Variants in BLMH observed in about 807,000 individuals in gnomAD.
BLMH encodes BLM hydrolase.
In BLMH, 32 loss-of-function variants were observed where a neutral mutation model predicts 61.6. The observed-to-expected ratio is 0.52, with a 90% CI of 0.39 to 0.70. The LOEUF is 0.70. Among genes scored for constraint, BLMH ranks in the 30% least tolerant of loss-of-function variants. BLMH has a pLI of 0.00. For missense variants in BLMH, 460 were observed against 555.5 expected, an observed-to-expected ratio of 0.83 and a Z score of 1.73; for synonymous variants, 183 against 193.8, an observed-to-expected ratio of 0.94 and a Z score of 0.46.
intron 6 of BLMH, among the ~76,000 whole-genome samples, chr17:30,280,858 T>TCC (rs978204214): frequency 1.3e-4 from 20 of 152,192 alleles, no homozygotes; most frequent in African/African-American, 4.6e-4. Flanking sequence ...AATAGAATGG[T>TCC]CATAAGAACA....
At chr17:30,291,278 C>A (rs371032690) in intron 2 of BLMH, 33 bp downstream of exon 2, 9 of 1,594,168 alleles carry the variant, frequency 5.6e-6, no homozygotes, top group Non-Finnish European at 7.7e-6. Flanking sequence ...TCAGGAAGGT[C>A]AAGGAACGTA....
intron 1 of BLMH, 46 bp from the exon 2 acceptor site, chr17:30,291,554 G>A: frequency 3.8e-6 from 6 of 1,598,916 alleles, no homozygotes; most frequent in African/African-American, 1.3e-5. Context: ...GAGGGGGAAA[G>A]GGCTGATCTG....
chr17:30,285,575 C>T lies in BLMH; in HGVS notation c.553-95G>A, dbSNP rs1006473133. 18 of 936,442 alleles carry T rather than the reference C, an allele frequency of 1.9e-5. No homozygotes were observed. The Admixed American group carries it at 4.4e-4, about 23-fold the overall frequency. The allele number at this position is 936,442 out of a possible 1,614,324, so 58.0% of individuals were successfully genotyped here. On this transcript the variant is annotated intron_variant, in intron 5 of 11. Coordinates refer to ENST00000261714, the MANE Select transcript of BLMH (RefSeq NM_000386.4). ...ACGCAAGTTCTATTTTGAGGTATAA[C>T]TCAGGCCAGACCCATGACAGAGTTC...
intron 11 of BLMH, among the ~76,000 whole-genome samples, chr17:30,253,367 A>C (rs1907722766): frequency 6.6e-6 from 1 of 152,228 alleles, no homozygotes. Flanking sequence ...GTCCCTGCCA[A>C]GAGGACCCGC....
intron 6 of BLMH, among the ~76,000 whole-genome samples, chr17:30,278,820 C>T (rs1314437296): frequency 6.6e-6 from 1 of 152,210 alleles, no homozygotes; most frequent in Non-Finnish European, 1.5e-5. Flanking sequence ...CAGGCATGCA[C>T]CACCATGCCT....
chr17:30,291,580 G>C (rs1010705737), intron 1 of BLMH, 72 bp from the exon 2 acceptor site: 4 of 1,566,118 alleles, frequency 2.6e-6, no homozygotes, highest in African/African-American at 2.7e-5. Context: ...CCCGCGTCCC[G>C]AATCTAACTT....
chr17:30,255,272 A>T (rs1907782682), intron 11 of BLMH, among the ~76,000 whole-genome samples: 1 of 152,196 alleles, frequency 6.6e-6, no homozygotes. Context: ...TGCCTAGAGT[A>T]TTCAGTACAG....
intron 11 of BLMH, among the ~76,000 whole-genome samples, chr17:30,251,790 C>T (rs1907673635): frequency 6.6e-6 from 1 of 152,188 alleles, no homozygotes; most frequent in Non-Finnish European, 1.5e-5. Context: ...TCAAGCCCTG[C>T]CCTTTACATT....
intron 2 of BLMH, chr17:30,291,060 T>G: frequency 1.9e-6 from 1 of 522,646 alleles, no homozygotes; most frequent in Non-Finnish European, 3.4e-6. Context: ...CATAATATAG[T>G]CAATTACACT....
intron 10 of BLMH, among the ~76,000 whole-genome samples, chr17:30,270,188 C>T (rs2143021666): frequency 6.6e-6 from 1 of 152,246 alleles, no homozygotes; most frequent in East Asian, 1.9e-4. Context: ...GATAGGATAG[C>T]AAAAACAATT....
intron 10 of BLMH, among the ~76,000 whole-genome samples, chr17:30,267,533 A>C (rs1287933040): frequency 6.6e-6 from 1 of 152,242 alleles, no homozygotes; most frequent in Non-Finnish European, 1.5e-5. Flanking sequence ...TTGAATTTCA[A>C]AGAAGAGACT....
rs1908697918 is a variant in BLMH, at chr17:30,285,380, G to A, written c.645+8C>T. The A allele has an allele frequency of 6.2e-7, 1 of 1,601,518 alleles. No individual in the cohort carries two copies. Among genetic ancestry groups the A allele is most frequent in the Middle Eastern group, 1.7e-4 (1 of 6,034 alleles). On this transcript the variant is annotated splice_region_variant and intron_variant, in intron 6 of 11. Coordinates refer to ENST00000261714, the MANE Select transcript of BLMH (RefSeq NM_000386.4). ...GGGGTCACAAAAAAATCCAAATTTTGTTATTACCTCCTCCATCATGACGTC... is the reference window on the plus strand; with the variant it reads ...GGGGTCACAAAAAAATCCAAATTTTATTATTACCTCCTCCATCATGACGTC...
At chr17:30,283,415 G>A (rs1256467817) in intron 6 of BLMH, among the ~76,000 whole-genome samples, 1 of 151,488 alleles carries the variant, frequency 6.6e-6, no homozygotes, top group African/African-American at 2.4e-5. Context: ...GATCATTAAA[G>A]CAAACATCAA....
chr17:30,279,667 T>C (rs8069468), intron 6 of BLMH, among the ~76,000 whole-genome samples: 109 of 152,322 alleles, frequency 7.2e-4, no homozygotes, highest in African/African-American at 2.5e-3. Flanking sequence ...CCAGATGCAG[T>C]GGCTCATGCC....
At chr17:30,286,714 T>C in intron 5 of BLMH, 100 bp downstream of exon 5, 1 of 783,300 alleles carries the variant, frequency 1.3e-6, no homozygotes, top group Non-Finnish European at 2.1e-6. Context: ...AGTTATCTTG[T>C]ACACAAACTG....
intron 9 of BLMH, chr17:30,272,302 A>C: frequency 1.9e-6 from 1 of 513,150 alleles, no homozygotes; most frequent in Admixed American, 3.4e-5. Flanking sequence ...TGTCTTTCTC[A>C]TAGAGGATGG....
chr17:30,274,926 C>T (rs1259045817), intron 6 of BLMH, among the ~76,000 whole-genome samples: 4 of 150,618 alleles, frequency 2.7e-5, no homozygotes, highest in Admixed American at 6.6e-5. Context: ...CTTCAGTGAG[C>T]CATGATCGTG....
At chr17:30,258,305 C>T (rs1907869827) in intron 11 of BLMH, among the ~76,000 whole-genome samples, 2 of 151,922 alleles carry the variant, frequency 1.3e-5, no homozygotes, top group African/African-American at 2.4e-5. Context: ...TGAGAAGAGG[C>T]TTCTTTTTCC....
intron 3 of BLMH, among the ~76,000 whole-genome samples, chr17:30,288,507 G>T (rs149577168): frequency 2.4e-4 from 36 of 151,970 alleles, no homozygotes; most frequent in Non-Finnish European, 4.6e-4. Flanking sequence ...TGTGCACCAC[G>T]CGTGGCTAAT....
Sources: allele counts gnomAD v4.1 joint callset (sites outside exome capture counted in the v4.1 genomes callset), GRCh38; gene constraint gnomAD v4.1.1; transcripts MANE v1.5; gene names NCBI Gene and HGNC (gene_info 2026-07-23, HGNC 2026-07-21).